The following MC2R variants were observed in gnomAD, a reference collection of about 807,000 sequenced individuals.
MC2R encodes the protein adrenocorticotropic hormone receptor.
MC2R carries 9 observed loss-of-function variants against 9.8 expected under a neutral mutation model. The observed-to-expected ratio is 0.92, with a 90% CI of 0.55 to 1.60. The LOEUF (loss-of-function observed/expected upper bound fraction) is 1.60, where lower values mean the gene tolerates loss of function less well. MC2R is among the 40% of genes most tolerant of loss of function. The pLI, the probability that MC2R is intolerant of heterozygous loss-of-function variation, is 0.00. For synonymous variants in MC2R, 185 were observed against 154.7 expected (o/e 1.20, Z -1.45); for missense variants, 370 against 389.0 (o/e 0.95, Z 0.41).
At chr18:13,906,433 G>C (rs139112319) in intron 1 of MC2R, among the ~76,000 whole-genome samples, 1 of 152,174 alleles carries the variant, frequency 6.6e-6, no homozygotes, top group South Asian at 2.1e-4. Context: ...CTGTTGGGGG[G>C]TGGGAGGTGA....
At chr18:13,897,526 C>T (rs1364294948) in intron 1 of MC2R, among the ~76,000 whole-genome samples, 1 of 152,114 alleles carries the variant, frequency 6.6e-6, no homozygotes, top group Non-Finnish European at 1.5e-5. Context: ...TACTGAGATA[C>T]CAGCTGGGGT....
chr18:13,901,639 T>G (rs535854549), intron 1 of MC2R, among the ~76,000 whole-genome samples: 9 of 151,976 alleles, frequency 5.9e-5, no homozygotes, highest in Non-Finnish European at 1.3e-4. Flanking sequence ...TAGAAGAAAT[T>G]GACAAATTCC....
At chr18:13,901,048 C>T (rs1253553672) in intron 1 of MC2R, among the ~76,000 whole-genome samples, 2 of 152,050 alleles carry the variant, frequency 1.3e-5, no homozygotes, top group African/African-American at 2.4e-5. Flanking sequence ...TGTCAAGTAT[C>T]TTCTCTGACC....
rs1449162328 is a variant in MC2R at position 13,909,026 on chromosome 18, CTTAATTTTAA to C, written c.-129+6452_-129+6461del. ...AAAGTCCATGCTTTATTCAAATGTC[CTTAATTTTAA>C]CCTAATGTCCTTTTGTGTCTCTGGG... On this transcript the variant is annotated intron_variant, in intron 1 of 1. Coordinates refer to ENST00000327606, the MANE Select transcript of MC2R (RefSeq NM_000529.2). Among the ~76,000 whole-genome samples the C allele has an allele frequency of 2.6e-5, 4 of 152,174 alleles. No individual in the cohort carries two copies. The East Asian group carries it at 7.7e-4, about 29-fold the overall frequency.
chr18:13,905,780 A>AG (rs1433860799), intron 1 of MC2R, among the ~76,000 whole-genome samples: 39 of 152,154 alleles, frequency 2.6e-4, no homozygotes, highest in African/African-American at 9.2e-4. Flanking sequence ...TATTCTGGCC[A>AG]GGTGCGATGG....
intron 1 of MC2R, among the ~76,000 whole-genome samples, chr18:13,889,087 A>G (rs1181941704): frequency 6.6e-6 from 1 of 152,124 alleles, no homozygotes; most frequent in Non-Finnish European, 1.5e-5. Flanking sequence ...TCCATACCCT[A>G]TTGAAACCTG....
intron 1 of MC2R, among the ~76,000 whole-genome samples, chr18:13,908,209 C>T (rs916455318): frequency 3.3e-5 from 5 of 152,116 alleles, no homozygotes; most frequent in African/African-American, 1.2e-4. Flanking sequence ...AGAATGAAAT[C>T]TTGTCATTTG....
chr18:13,893,405 T>C (rs747747121), intron 1 of MC2R, among the ~76,000 whole-genome samples: 1 of 152,220 alleles, frequency 6.6e-6, no homozygotes, highest in Non-Finnish European at 1.5e-5. Context: ...TTGAAGCTGG[T>C]TGATGTGCTT....
intron 1 of MC2R, among the ~76,000 whole-genome samples, chr18:13,905,963 G>A (rs1348712566): frequency 6.6e-6 from 1 of 152,162 alleles, no homozygotes; most frequent in East Asian, 1.9e-4. Flanking sequence ...AGCTGAGGCA[G>A]GAGAATTGCT....
At chr18:13,886,834 G>A (rs2045279335) in intron 1 of MC2R, among the ~76,000 whole-genome samples, 1 of 152,144 alleles carries the variant, frequency 6.6e-6, no homozygotes, top group Admixed American at 6.5e-5. Flanking sequence ...GAAGTCCACG[G>A]GGAGCCCATC....
intron 1 of MC2R, among the ~76,000 whole-genome samples, chr18:13,902,997 A>G (rs952836807): frequency 3.3e-5 from 5 of 152,230 alleles, no homozygotes; most frequent in Non-Finnish European, 5.9e-5. Context: ...TCTACAGGAT[A>G]AAGTCTAATA....
Position 13,884,866 on chromosome 18 carries a change from G to GT in MC2R, c.652_653insA (p.Ala218AspfsTer31), listed in dbSNP as rs749254899. 35 of 1,613,904 alleles carry GT rather than the reference G, an allele frequency of 2.2e-5. No individual in the cohort carries two copies. The highest frequency in any genetic ancestry group is 2.7e-5 in the Non-Finnish European group (32 of 1,180,020). ...CCCGAGCAGGATGGTCAGTGTGATGGCCCCTTTCATGTTGGCTCTGGGGAG... is the reference window on the plus strand; with the variant it reads ...CCCGAGCAGGATGGTCAGTGTGATGGTCCCCTTTCATGTTGGCTCTGGGGAG... On this transcript the variant is annotated frameshift_variant, in exon 2 of 2. Transcript: ENST00000327606. LOFTEE classifies it high-confidence loss of function.
intron 1 of MC2R, among the ~76,000 whole-genome samples, chr18:13,886,548 A>C (rs961474490): frequency 6.6e-6 from 1 of 152,168 alleles, no homozygotes; most frequent in Admixed American, 6.5e-5. Flanking sequence ...ATTCCTTCTC[A>C]CTGCTCGTCT....
intron 1 of MC2R, among the ~76,000 whole-genome samples, chr18:13,901,507 GA>G (rs1364771640): frequency 6.6e-6 from 1 of 150,932 alleles, no homozygotes; most frequent in Non-Finnish European, 1.5e-5. Context: ...GCCAGACTAA[GA>G]AAAAAAGAGA....
chr18:13,913,315 C>T (rs946600194), intron 1 of MC2R, among the ~76,000 whole-genome samples: 2 of 152,182 alleles, frequency 1.3e-5, no homozygotes, highest in Admixed American at 1.3e-4. Flanking sequence ...TCCACGGTGC[C>T]TTCCTGCCAG....
chr18:13,913,381 C>A, intron 1 of MC2R, among the ~76,000 whole-genome samples: 1 of 152,156 alleles, frequency 6.6e-6, no homozygotes, highest in East Asian at 1.9e-4. Flanking sequence ...CAAACGCTTG[C>A]TGCCCCCAGG....
intron 1 of MC2R, among the ~76,000 whole-genome samples, chr18:13,891,254 C>T (rs1274063291): frequency 6.6e-6 from 1 of 152,202 alleles, no homozygotes; most frequent in Non-Finnish European, 1.5e-5. Flanking sequence ...ACTTCCTCCT[C>T]CCTCTTCTTT....
Position 13,884,511 on chromosome 18 carries a change from C to T in MC2R, c.*114G>A. The T allele has an allele frequency of 8.6e-7, 1 of 1,158,810 alleles. No individual in the cohort carries two copies. The allele number at this position is 1,158,810 out of a possible 1,614,324, so 71.8% of individuals were successfully genotyped here. A position where few individuals can be genotyped will look rare whatever the true frequency, so the allele number is the denominator to read the frequency against. On this transcript the variant is annotated 3_prime_UTR_variant, in exon 2 of 2. Coordinates refer to ENST00000327606, the MANE Select transcript of MC2R (RefSeq NM_000529.2). ...ACACTAGCTGGTGGGATCATCCTTG[C>T]ATCCATTAGGGAAGGAAGGCCAGTG...
In MC2R at chr18:13,884,645, AG is replaced by A; in HGVS notation, c.873del (p.Phe292SerfsTer14). 1 of 1,613,252 alleles carries A rather than the reference AG, an allele frequency of 6.2e-7. No homozygotes were observed. The highest frequency in any genetic ancestry group is 2.2e-5 in the East Asian group (1 of 44,872). ...CCATTCTACCAGTACCTGCTGCAGA[AG>A]ATCATCTTTTTGAATGCGTCCCTGA... The part of the protein sequence containing the change: ...PELRDAFKKM[I>X]FCSRYW On this transcript the variant is annotated frameshift_variant, in exon 2 of 2. Transcript: ENST00000327606. LOFTEE classifies it high-confidence loss of function.
Sources: gnomAD v4.1 joint callset for allele counts (sites outside exome capture counted in the v4.1 genomes callset) on GRCh38, gnomAD v4.1.1 for gene constraint, MANE v1.5 for transcripts, NCBI Gene and HGNC (gene_info 2026-07-23, HGNC 2026-07-21) for gene names.